The following UNC13C variants were observed in gnomAD, a reference collection of about 807,000 sequenced individuals.
UNC13C encodes protein unc-13 homolog C.
In UNC13C, 174 loss-of-function variants were observed where a neutral mutation model predicts 245.4. The ratio of observed to expected loss-of-function variants is 0.71; its 90% CI spans 0.63 to 0.80. UNC13C has a LOEUF of 0.80. Among genes scored for constraint, UNC13C ranks in the 30% least tolerant of loss-of-function variants. UNC13C has a pLI of 0.00. For missense variants in UNC13C, 2,829 were observed against 2,602.9 expected (o/e 1.09, Z -1.89); for synonymous variants, 992 against 895.1 (o/e 1.11, Z -1.93).
In UNC13C at chr15:54,135,971, T is replaced by C. The variant is rs76101680; in HGVS notation, c.2984-7047T>C. Among the ~76,000 whole-genome samples, 624 of 152,284 alleles carry C rather than the reference T, an allele frequency of 4.1e-3. 9 individuals are homozygous for C. The highest frequency in any genetic ancestry group is 0.04 in the East Asian group (208 of 5,176). ...TTTTTAAGGATATCAGTTTTTCCAG[T>C]GCAGGCACACTGAACATCTTTCCAT... On this transcript the variant is annotated intron_variant, in intron 2 of 32. Coordinates refer to ENST00000260323, the MANE Select transcript of UNC13C (RefSeq NM_001080534.3).
chr15:54,391,397 T>C (rs1433907503), intron 17 of UNC13C, among the ~76,000 whole-genome samples: 1 of 152,100 alleles, frequency 6.6e-6, no homozygotes. Flanking sequence ...ATAGTAGTGA[T>C]AACAAAATTC....
intron 2 of UNC13C, among the ~76,000 whole-genome samples, chr15:54,110,044 G>C (rs1900686789): frequency 1.3e-5 from 2 of 152,136 alleles, no homozygotes; most frequent in South Asian, 4.1e-4. Flanking sequence ...TTGGAAGGCT[G>C]AAGCAGACAG....
At chr15:54,573,158 A>G (rs1316883266) in intron 30 of UNC13C, among the ~76,000 whole-genome samples, 1 of 152,228 alleles carries the variant, frequency 6.6e-6, no homozygotes, top group Non-Finnish European at 1.5e-5. Context: ...AAGTATGGAA[A>G]TGCCTCTTGT....
chr15:54,039,050 G>A (rs913591466), intron 2 of UNC13C, among the ~76,000 whole-genome samples: 6 of 152,064 alleles, frequency 3.9e-5, no homozygotes, highest in East Asian at 1.9e-4. Context: ...ACAAATCAAC[G>A]TGCTTTTTAT....
At chr15:54,029,755 G>T (rs1896276302) in intron 2 of UNC13C, among the ~76,000 whole-genome samples, 2 of 152,164 alleles carry the variant, frequency 1.3e-5, no homozygotes, top group South Asian at 2.1e-4. Context: ...AGCTTCAGAA[G>T]GTGCGGCAGA....
rs1480262193 is a variant in UNC13C at position 54,627,050 on chromosome 15, T to A, written c.6582T>A (p.Asp2194Glu). ...GAATACTCTCTCAGAGGACCAGTGA[T>A]GATGTGGCTAAAGAATTTGTAAGAC... ...ILRILSQRTS[D>E]DVAKEFVRLK... is the part of the protein sequence containing the mutation. Residue 2194 changes from aspartate to glutamate, a missense_variant, in exon 33 of 33, where the codon GAT becomes GAA. By Grantham distance (45) the Asp-to-Glu change is conservative. Coordinates refer to ENST00000260323, the MANE Select transcript of UNC13C (RefSeq NM_001080534.3). 3.5e-5 allele frequency: 56 copies of A among 1,613,122 alleles called. No individual in the cohort carries two copies. Among genetic ancestry groups the A allele is most frequent in the Non-Finnish European group, 4.4e-5 (52 of 1,179,508 alleles).
intron 18 of UNC13C, among the ~76,000 whole-genome samples, chr15:54,407,997 C>T (rs193108070): frequency 5.9e-4 from 89 of 151,684 alleles, no homozygotes; most frequent in Admixed American, 8.5e-4. Flanking sequence ...GTCAGGAGAT[C>T]GAGACCATCC....
chr15:54,329,551 C>T (rs999576641), intron 14 of UNC13C, among the ~76,000 whole-genome samples: 1 of 151,976 alleles, frequency 6.6e-6, no homozygotes, highest in African/African-American at 2.4e-5. Flanking sequence ...CCCAGTCTTT[C>T]GTTATTCCAC....
the UNC13C span, among the ~76,000 whole-genome samples, chr15:53,891,415 C>G: frequency 6.6e-6 from 1 of 152,020 alleles, no homozygotes; most frequent in East Asian, 1.9e-4. Context: ...TCCTGGATAT[C>G]CTTGTTAATT....
At chr15:54,375,505 A>C (rs1007458911) in intron 17 of UNC13C, among the ~76,000 whole-genome samples, 1 of 152,194 alleles carries the variant, frequency 6.6e-6, no homozygotes, top group African/African-American at 2.4e-5. Context: ...TCACATTTAG[A>C]TTATTTTGTA....
At chr15:54,570,073 G>T (rs1897686384) in intron 30 of UNC13C, among the ~76,000 whole-genome samples, 1 of 152,094 alleles carries the variant, frequency 6.6e-6, no homozygotes, top group Non-Finnish European at 1.5e-5. Flanking sequence ...AACTAAAGGG[G>T]AAGAAGAAGA....
At chr15:53,923,997 G>A in the UNC13C span, among the ~76,000 whole-genome samples, 3 of 152,068 alleles carry the variant, frequency 2.0e-5, no homozygotes, top group Non-Finnish European at 2.9e-5. Context: ...ACCTGAGGTC[G>A]GGAGTTCGGG....
At chr15:54,450,216 T>C (rs1209523222) in intron 19 of UNC13C, among the ~76,000 whole-genome samples, 1 of 152,108 alleles carries the variant, frequency 6.6e-6, no homozygotes, top group East Asian at 1.9e-4. Context: ...TACTCGGGGG[T>C]CGGGGACCCA....
chr15:54,337,169 C>T (rs751369788), intron 16 of UNC13C, among the ~76,000 whole-genome samples: 1 of 152,116 alleles, frequency 6.6e-6, no homozygotes, highest in Non-Finnish European at 1.5e-5. Context: ...GGGGGGTACT[C>T]TCTACTGCTT....
At chr15:54,247,688 A>G (rs1241919970) in intron 7 of UNC13C, among the ~76,000 whole-genome samples, 1 of 152,060 alleles carries the variant, frequency 6.6e-6, no homozygotes, top group Non-Finnish European at 1.5e-5. Flanking sequence ...TCTAACTTTA[A>G]TAGCTCTTAA....
intron 4 of UNC13C, among the ~76,000 whole-genome samples, chr15:54,218,107 A>G (rs1393155649): frequency 6.6e-6 from 1 of 151,988 alleles, no homozygotes; most frequent in Non-Finnish European, 1.5e-5. Context: ...AACAAAATGC[A>G]GTTTTATAGG....
chr15:54,318,353 G>T (rs974045813), intron 13 of UNC13C, among the ~76,000 whole-genome samples: 1 of 151,820 alleles, frequency 6.6e-6, no homozygotes, highest in African/African-American at 2.4e-5. Context: ...ACAGTATACA[G>T]GGTTCCCTTT....
At chr15:54,618,904 T>C (rs1284324885) in intron 30 of UNC13C, among the ~76,000 whole-genome samples, 1 of 152,160 alleles carries the variant, frequency 6.6e-6, no homozygotes, top group Non-Finnish European at 1.5e-5. Flanking sequence ...TTTAAAGACA[T>C]TTTGTCAAAA....
chr15:54,281,900 C>T (rs1049852467), intron 10 of UNC13C, among the ~76,000 whole-genome samples: 9 of 152,116 alleles, frequency 5.9e-5, no homozygotes, highest in South Asian at 2.1e-4. Flanking sequence ...GTATAATATA[C>T]ATATGATACA....
Sources: allele counts gnomAD v4.1 joint callset (sites outside exome capture counted in the v4.1 genomes callset), GRCh38; gene constraint gnomAD v4.1.1; transcripts MANE v1.5; gene names NCBI Gene and HGNC (gene_info 2026-07-23, HGNC 2026-07-21).